TRIM62: variants seen among roughly 807,000 people sequenced by gnomAD.
The protein encoded by TRIM62 is tripartite motif containing 62.
Under a neutral mutation model 44.2 loss-of-function variants are expected in TRIM62, and 39 were observed. The observed-to-expected ratio is 0.88, with a 90% CI of 0.68 to 1.15. The LOEUF (loss-of-function observed/expected upper bound fraction) is 1.15, where lower values mean the gene tolerates loss of function less well. Ranked by LOEUF, TRIM62 falls within the 50% of genes most tolerant of loss-of-function variation. The pLI, the probability that TRIM62 is intolerant of heterozygous loss-of-function variation, is 0.00. For synonymous variants in TRIM62, 278 were observed against 292.3 expected (o/e 0.95, Z 0.50); for missense variants, 544 against 665.5 (o/e 0.82, Z 2.01).
rs1342649300 is a variant in TRIM62, at chr1:33,161,906, C to T, written c.505-1962G>A. Among the ~76,000 whole-genome samples, 3 of 152,180 alleles carry T rather than the reference C, an allele frequency of 2.0e-5. No homozygotes were observed. Among genetic ancestry groups the T allele is most frequent in the Non-Finnish European group, 2.9e-5 (2 of 68,038 alleles). ...GTTCCTCGGGGCTCATCCAGGTCAG[C>T]GCCTTCCATCCTCACCCTGAACACC... is the stretch of plus-strand genomic sequence containing the variant. On this transcript the variant is annotated intron_variant, in intron 2 of 4. Transcript: ENST00000291416. This position sits in a 1 kb window ranked among gnomAD's most constrained non-coding sequence, Gnocchi z 4.3.
Position 33,148,926 on chromosome 1 carries a change from G to A in TRIM62, c.878-1199C>T, listed in dbSNP as rs146695699. Among the ~76,000 whole-genome samples the A allele has an allele frequency of 1.2e-3, 186 of 152,248 alleles. 1 individual carries two copies. The highest frequency in any genetic ancestry group is 4.2e-3 in the African/African-American group (176 of 41,530). On this transcript the variant is annotated intron_variant, in intron 4 of 4. Coordinates refer to ENST00000291416, the MANE Select transcript of TRIM62 (RefSeq NM_018207.3). ...GGCAGAGCCAGGACTAACCAAGGTC[G>A]TCTGCAATCTAGCGCCAGTCCTTTC...
At chr1:33,150,358 G>T (rs541107216) in intron 4 of TRIM62, among the ~76,000 whole-genome samples, 49 of 152,344 alleles carry the variant, frequency 3.2e-4, no homozygotes, top group South Asian at 1.9e-3. Flanking sequence ...CAATGATGGG[G>T]ACTGTCCCCA....
Position 33,147,535 on chromosome 1 carries a change from A to G in TRIM62, c.1070T>C (p.Val357Ala), listed in dbSNP as rs1570279977. ...GATCACCCACTGGGTCTTCTCCGCCACCACCACCTCCCAGTAGTGGACGCC... is the reference window on the plus strand; with the variant it reads ...GATCACCCACTGGGTCTTCTCCGCCGCCACCACCTCCCAGTAGTGGACGCC... Reference protein sequence around the residue: ...SSGVHYWEVVVAEKTQWVIGL... With the variant: ...SSGVHYWEVVAAEKTQWVIGL... The change falls in exon 5 of 5, where the codon GTG becomes GCG. Residue 357 changes from valine to alanine, a missense_variant. Transcript: ENST00000291416. This position sits in a 1 kb window ranked among gnomAD's most constrained non-coding sequence, Gnocchi z 8.1. The G allele has an allele frequency of 6.2e-7, 1 of 1,613,776 alleles. No individual in the cohort carries two copies. The highest frequency in any genetic ancestry group is 8.5e-7 in the Non-Finnish European group (1 of 1,179,960).
At chr1:33,153,204 A>C (rs1179682540) in intron 4 of TRIM62, among the ~76,000 whole-genome samples, 1 of 152,124 alleles carries the variant, frequency 6.6e-6, no homozygotes, top group Non-Finnish European at 1.5e-5. Flanking sequence ...TCCCATCTGG[A>C]CATAAAGGGC....
chr1:33,147,747 G>T lies in TRIM62; in HGVS notation c.878-20C>A. 1 of 1,598,846 alleles carries T rather than the reference G, an allele frequency of 6.3e-7. No individual in the cohort carries two copies. Among genetic ancestry groups the T allele is most frequent in the East Asian group, 2.2e-5 (1 of 44,666 alleles). ...CTGGCACTGTGGGGGTTGGAGGAGG[G>T]AGAGAAGATGAGTGGGGAGAAGGCT... is the stretch of plus-strand genomic sequence containing the variant. On this transcript the variant is annotated intron_variant, in intron 4 of 4. Transcript: ENST00000291416. The surrounding 1 kb of genome is among the most constrained non-coding windows in gnomAD (Gnocchi z 8.1).
intron 1 of TRIM62, among the ~76,000 whole-genome samples, chr1:33,168,108 T>C (rs888383853): frequency 6.6e-5 from 10 of 152,176 alleles, no homozygotes; most frequent in African/African-American, 2.4e-4. Flanking sequence ...CAGGGAAGGC[T>C]TCTCTGAGGA....
rs1645461184 is a variant in TRIM62 at position 33,181,243 on chromosome 1, G to A, written c.190C>T (p.Pro64Ser). ...RRTFAEPALAPSLKLANIVER... is the reference protein window; with the variant it reads ...RRTFAEPALASSLKLANIVER... ...ACGATGTTGGCCAGCTTGAGGCTGGGCGCCAGCGCGGGCTCGGCGAACGTG... is the reference window on the plus strand; with the variant it reads ...ACGATGTTGGCCAGCTTGAGGCTGGACGCCAGCGCGGGCTCGGCGAACGTG... The change falls in exon 1 of 5, where the codon CCC becomes TCC. Residue 64 changes from proline to serine, a missense_variant. By Grantham distance (74) the Pro-to-Ser change is moderately conservative. Transcript: ENST00000291416. This position sits in a 1 kb window ranked among gnomAD's most constrained non-coding sequence, Gnocchi z 6.5. The A allele has an allele frequency of 6.4e-7, 1 of 1,554,972 alleles. No homozygotes were observed. Among genetic ancestry groups the A allele is most frequent in the Non-Finnish European group, 8.7e-7 (1 of 1,155,974 alleles).
rs149870428 is a variant in TRIM62, at chr1:33,165,523, C to T, written c.452G>A (p.Arg151Gln). ...CAGCTGCAGCGCTTCGGTGTGTTCC[C>T]GCTCGCTGTCTTGAAGGGCCTGAAG... The part of the protein sequence containing the change: ...DQLQALQDSE[R>Q]EHTEALQLLK... The change falls in exon 2 of 5, where the codon CGG becomes CAG. Residue 151 changes from arginine (R) to glutamine (Q), a missense_variant. Coordinates refer to ENST00000291416, the MANE Select transcript of TRIM62 (RefSeq NM_018207.3). This position sits in a 1 kb window ranked among gnomAD's most constrained non-coding sequence, Gnocchi z 4.0. 2.4e-5 allele frequency: 38 copies of T among 1,610,970 alleles called. No individual in the cohort carries two copies. The African/African-American group carries it at 3.3e-4, about 14-fold the overall frequency.
chr1:33,158,996 A>G (rs1645221976), intron 3 of TRIM62, among the ~76,000 whole-genome samples: 1 of 151,952 alleles, frequency 6.6e-6, no homozygotes, highest in South Asian at 2.1e-4. Context: ...GCCTGCCACC[A>G]CGCCCGGCTA....
At position 33,177,124 on chromosome 1, in the gene TRIM62, C is replaced by T. The variant is rs1452269207; in HGVS notation, c.408+3901G>A. On this transcript the variant is annotated intron_variant, in intron 1 of 4. Coordinates refer to ENST00000291416, the MANE Select transcript of TRIM62 (RefSeq NM_018207.3). The surrounding 1 kb of genome is among the most constrained non-coding windows in gnomAD (Gnocchi z 4.1). ...ACATGCACACACACATGCATGTACG[C>T]ATGCACACACACGCACATGCACACC... Among the ~76,000 whole-genome samples the T allele has an allele frequency of 6.6e-6, 1 of 151,762 alleles. No homozygotes were observed. Among genetic ancestry groups the T allele is most frequent in the Non-Finnish European group, 1.5e-5 (1 of 67,948 alleles).
intron 2 of TRIM62, 120 bp from the exon 3 acceptor site, chr1:33,160,064 G>T: frequency 7.7e-7 from 1 of 1,306,122 alleles, no homozygotes; most frequent in Non-Finnish European, 1.0e-6. Context: ...GGGCACGCGT[G>T]GTGGGGGAAA....
intron 4 of TRIM62, among the ~76,000 whole-genome samples, chr1:33,150,413 A>G (rs767040746): frequency 2.0e-5 from 3 of 152,228 alleles, no homozygotes; most frequent in Non-Finnish European, 4.4e-5. Context: ...CTGTTCATAT[A>G]CCCACTGGAC....
At chr1:33,179,979 T>C (rs1267628252) in intron 1 of TRIM62, among the ~76,000 whole-genome samples, 1 of 152,164 alleles carries the variant, frequency 6.6e-6, no homozygotes, top group East Asian at 1.9e-4. Flanking sequence ...GGAAATGCAG[T>C]TCTAATGTTT....
At chr1:33,171,394 G>T (rs1328254936) in intron 1 of TRIM62, among the ~76,000 whole-genome samples, 1 of 152,142 alleles carries the variant, frequency 6.6e-6, no homozygotes, top group Non-Finnish European at 1.5e-5. Context: ...TCTCACAGAG[G>T]GGGAAATTGA....
chr1:33,180,991 C>G, intron 1 of TRIM62, 34 bp downstream of exon 1: 1 of 1,207,436 alleles, frequency 8.3e-7, no homozygotes, highest in Non-Finnish European at 1.1e-6. Context: ...CCAGCCCGGC[C>G]CCGCCCCTTC....
chr1:33,161,753 G>A lies in TRIM62; in HGVS notation c.505-1809C>T, dbSNP rs1472128089. Among the ~76,000 whole-genome samples the A allele has an allele frequency of 1.3e-5, 2 of 152,152 alleles. No individual in the cohort carries two copies. The highest frequency in any genetic ancestry group is 4.8e-5 in the African/African-American group (2 of 41,418). ...TGGAGCTGCCCTCCACAGGCGCCCA[G>A]ACTCCGCAGCTACTCCTCTGGCTCC... is the stretch of plus-strand genomic sequence containing the variant. On this transcript the variant is annotated intron_variant, in intron 2 of 4. Coordinates refer to ENST00000291416, the MANE Select transcript of TRIM62 (RefSeq NM_018207.3). This position sits in a 1 kb window ranked among gnomAD's most constrained non-coding sequence, Gnocchi z 4.3.
At position 33,159,099 on chromosome 1, in the gene TRIM62, C is replaced by T. The variant is rs12026515; in HGVS notation, c.761+589G>A. Among the ~76,000 whole-genome samples, 28,294 of 151,900 alleles carry T rather than the reference C, an allele frequency of 0.19. 3,119 individuals are homozygous for T. Among genetic ancestry groups the T allele is most frequent in the South Asian group, 0.3 (1,423 of 4,806 alleles). ...ACCTCAGGTAATCCACCTGCCTCGG[C>T]CTCCCAAAGTGCTGGGATTACAGGT... On this transcript the variant is annotated intron_variant, in intron 3 of 4. Transcript: ENST00000291416. This position sits in a 1 kb window ranked among gnomAD's most constrained non-coding sequence, Gnocchi z 4.2.
intron 2 of TRIM62, chr1:33,164,421 C>A (rs1372039654): frequency 6.6e-6 from 1 of 152,318 alleles, no homozygotes; most frequent in African/African-American, 2.4e-5. Flanking sequence ...AGTGGGGACT[C>A]CACCCGGCAC....
intron 4 of TRIM62, among the ~76,000 whole-genome samples, chr1:33,149,597 G>A (rs993002919): frequency 6.6e-6 from 1 of 151,908 alleles, no homozygotes. Context: ...TGAGACTATA[G>A]GCATGCATCA....
Sources: gnomAD v4.1 joint callset for allele counts (sites outside exome capture counted in the v4.1 genomes callset) on GRCh38, gnomAD v4.1.1 for gene constraint, Gnocchi (gnomAD v3.1) non-coding constraint, MANE v1.5 for transcripts, NCBI Gene and HGNC (gene_info 2026-07-23, HGNC 2026-07-21) for gene names.